Variants in WWOX observed in about 807,000 individuals in gnomAD.
WWOX encodes WW domain containing oxidoreductase.
In WWOX, 69 loss-of-function variants were observed where a neutral mutation model predicts 46.2. That is an observed-to-expected ratio of 1.49 (90% CI 1.23 to 1.82). The LOEUF is 1.82. Among genes scored for constraint, WWOX ranks in the 40% most tolerant of loss-of-function variants. WWOX has a pLI of 0.00. For missense variants in WWOX, 919 were observed against 542.6 expected, an observed-to-expected ratio of 1.69 and a Z score of -6.89; for synonymous variants, 359 against 202.6, an observed-to-expected ratio of 1.77 and a Z score of -6.56.
chr16:78,525,818 G>T (rs1331417078), intron 8 of WWOX: 2 of 142,174 alleles, frequency 1.4e-5, no homozygotes, highest in East Asian at 2.1e-4. Flanking sequence ...AGACTCACTA[G>T]AAGTTTCAGA....
intron 8 of WWOX, among the ~76,000 whole-genome samples, chr16:78,803,265 A>G (rs550852893): frequency 6.6e-6 from 1 of 151,742 alleles, no homozygotes; most frequent in South Asian, 2.1e-4. Flanking sequence ...TCCTCTCCAA[A>G]CCACCACGTG....
intron 8 of WWOX, among the ~76,000 whole-genome samples, chr16:78,965,781 C>A (rs935646744): frequency 1.3e-4 from 20 of 152,150 alleles, no homozygotes; most frequent in African/African-American, 4.6e-4. Flanking sequence ...CTCTGTCCTT[C>A]ACTCAGTGAT....
chr16:78,988,004 A>T (rs760131120), intron 8 of WWOX, among the ~76,000 whole-genome samples: 2 of 151,934 alleles, frequency 1.3e-5, no homozygotes, highest in East Asian at 1.9e-4. Context: ...CAAAGGGGCT[A>T]TTTTATAAAG....
chr16:78,866,705 G>T (rs1042985255), intron 8 of WWOX, among the ~76,000 whole-genome samples: 1 of 152,184 alleles, frequency 6.6e-6, no homozygotes, highest in Non-Finnish European at 1.5e-5. Context: ...GGCAGAGCAC[G>T]CAAATCAAGG....
At chr16:78,788,248 G>C (rs1212452600) in intron 8 of WWOX, among the ~76,000 whole-genome samples, 1 of 152,192 alleles carries the variant, frequency 6.6e-6, no homozygotes, top group Non-Finnish European at 1.5e-5. Context: ...ATTTACTCCT[G>C]TGGTGTTATG....
chr16:79,019,035 T>A (rs1450930930), intron 8 of WWOX, among the ~76,000 whole-genome samples: 2 of 151,416 alleles, frequency 1.3e-5, no homozygotes, highest in Non-Finnish European at 2.9e-5. Context: ...CTCATGCCTG[T>A]AGTTTCAGCT....
chr16:78,422,760 C>CAT lies in WWOX; in HGVS notation c.606-2102_606-2101dup, dbSNP rs1405236548. On this transcript the variant is annotated intron_variant, in intron 6 of 8. Coordinates refer to ENST00000566780, the MANE Select transcript of WWOX (RefSeq NM_016373.4). ...ACACATATATATACACATATATACA[C>CAT]ATATATATACACACATATATATATA... is the stretch of plus-strand genomic sequence containing the variant. Among the ~76,000 whole-genome samples the CAT allele has an allele frequency of 1.3e-3, 146 of 113,910 alleles. 2 individuals are homozygous for CAT. Among genetic ancestry groups the CAT allele is most frequent in the Non-Finnish European group, 2.1e-3 (132 of 62,452 alleles). 74.7% of individuals were successfully genotyped at this position (113,910 alleles called of 152,430 possible).
chr16:78,823,095 G>C (rs1022190437), intron 8 of WWOX, among the ~76,000 whole-genome samples: 5 of 152,164 alleles, frequency 3.3e-5, no homozygotes, highest in Non-Finnish European at 7.3e-5. Flanking sequence ...GTAGCTCTTC[G>C]TTATCTCAAA....
intron 8 of WWOX, among the ~76,000 whole-genome samples, chr16:79,146,465 A>G (rs1368632390): frequency 2.0e-5 from 3 of 152,128 alleles, no homozygotes; most frequent in Non-Finnish European, 2.9e-5. Flanking sequence ...AGCGTAGTAG[A>G]AGGGTCTTGA....
chr16:78,785,161 C>G (rs1567557989), intron 8 of WWOX, among the ~76,000 whole-genome samples: 1 of 152,202 alleles, frequency 6.6e-6, no homozygotes, highest in Non-Finnish European at 1.5e-5. Flanking sequence ...CCAAGTGTGA[C>G]TGGCTGTCTA....
At chr16:79,128,839 T>A (rs2049815831) in intron 8 of WWOX, among the ~76,000 whole-genome samples, 1 of 152,162 alleles carries the variant, frequency 6.6e-6, no homozygotes, top group East Asian at 1.9e-4. Flanking sequence ...TAGAACACTC[T>A]GCAGAGTATG....
At chr16:78,978,772 A>G (rs1212843452) in intron 8 of WWOX, among the ~76,000 whole-genome samples, 1 of 152,130 alleles carries the variant, frequency 6.6e-6, no homozygotes, top group Non-Finnish European at 1.5e-5. Context: ...CTGGGACAAC[A>G]CCAAGGAGAT....
chr16:78,614,494 T>G (rs1377819175), intron 8 of WWOX, among the ~76,000 whole-genome samples: 1 of 152,242 alleles, frequency 6.6e-6, no homozygotes, highest in Non-Finnish European at 1.5e-5. Flanking sequence ...AGATCCACCC[T>G]GTTCACGGTG....
intron 8 of WWOX, among the ~76,000 whole-genome samples, chr16:78,827,880 GTGT>G (rs1426113313): frequency 1.3e-5 from 2 of 152,128 alleles, no homozygotes; most frequent in Admixed American, 6.5e-5. Flanking sequence ...CCAGCAGCCA[GTGT>G]TGTTATCTCA....
intron 8 of WWOX, among the ~76,000 whole-genome samples, chr16:78,829,616 C>T (rs1426075785): frequency 6.6e-6 from 1 of 152,080 alleles, no homozygotes; most frequent in Admixed American, 6.5e-5. Context: ...CACATATAGT[C>T]AATCATCACA....
At chr16:79,082,413 G>T (rs2048777239) in intron 8 of WWOX, among the ~76,000 whole-genome samples, 2 of 152,148 alleles carry the variant, frequency 1.3e-5, no homozygotes, top group South Asian at 4.1e-4. Context: ...TCAGGGGAGG[G>T]TCATGAGGTC....
chr16:78,933,392 T>C (rs995825888), intron 8 of WWOX, among the ~76,000 whole-genome samples: 3 of 152,218 alleles, frequency 2.0e-5, no homozygotes, highest in Non-Finnish European at 2.9e-5. Flanking sequence ...TGAGCCAAGA[T>C]TGTGCCACTG....
At chr16:79,022,146 A>G (rs1465368233) in intron 8 of WWOX, among the ~76,000 whole-genome samples, 1 of 152,188 alleles carries the variant, frequency 6.6e-6, no homozygotes, top group Non-Finnish European at 1.5e-5. Flanking sequence ...AGAAAGCACC[A>G]AGCAATTTGC....
At chr16:79,072,534 A>T (rs2048570890) in intron 8 of WWOX, among the ~76,000 whole-genome samples, 1 of 152,182 alleles carries the variant, frequency 6.6e-6, no homozygotes. Flanking sequence ...AGATCTCATT[A>T]ATCTGTATTC....
Sources: allele counts gnomAD v4.1 joint callset (sites outside exome capture counted in the v4.1 genomes callset), GRCh38; gene constraint gnomAD v4.1.1; transcripts MANE v1.5; gene names NCBI Gene and HGNC (gene_info 2026-07-23, HGNC 2026-07-21).